PTPRD: variants seen among roughly 807,000 people sequenced by gnomAD.
PTPRD encodes protein tyrosine phosphatase receptor type D.
A neutral mutation model predicts 214.5 loss-of-function variants in PTPRD; 34 were observed. The ratio of observed to expected loss-of-function variants is 0.16; its 90% confidence interval spans 0.12 to 0.21. PTPRD has a LOEUF of 0.21. Among genes scored for constraint, PTPRD ranks in the 10% least tolerant of loss-of-function variants. PTPRD has a pLI of 1.00. For synonymous variants in PTPRD, 1,128 were observed against 845.7 expected, an observed-to-expected ratio of 1.33 and a Z score of -5.79; for missense variants, 2,545 against 2,398.7, an observed-to-expected ratio of 1.06 and a Z score of -1.27.
rs111910356 is a variant in PTPRD at position 8,685,045 on chromosome 9, G to A, written c.65-48201C>T. ...GTTTGCATCCGGGGCTGGATGTCAA[G>A]ATGCCCTTCTGTCCTGATATTTTTC... is the stretch of plus-strand genomic sequence containing the variant. On this transcript the variant is annotated intron_variant, in intron 12 of 45. Coordinates refer to ENST00000381196, the MANE Select transcript of PTPRD (RefSeq NM_002839.4). Among the ~76,000 whole-genome samples, 1,435 of 152,230 alleles carry A rather than the reference G, an allele frequency of 9.4e-3. 15 individuals are homozygous for A. The highest frequency in any genetic ancestry group is 0.033 in the African/African-American group (1,356 of 41,534).
chr9:10,340,300 G>C (rs1201931117), intron 3 of PTPRD, among the ~76,000 whole-genome samples: 1 of 151,858 alleles, frequency 6.6e-6, no homozygotes, highest in African/African-American at 2.4e-5. Context: ...CTAGCTGGGA[G>C]TCAATAGCAA....
intron 3 of PTPRD, among the ~76,000 whole-genome samples, chr9:10,223,854 G>T (rs76058096): frequency 0.041 from 6,257 of 151,284 alleles, 428 homozygotes; most frequent in East Asian, 0.33. Flanking sequence ...CTGGAAAAGT[G>T]CTATAAGAAA....
At chr9:8,438,418 T>C (rs895435961) in intron 34 of PTPRD, among the ~76,000 whole-genome samples, 1 of 152,156 alleles carries the variant, frequency 6.6e-6, no homozygotes, top group African/African-American at 2.4e-5. Flanking sequence ...AAACTCTTTG[T>C]TGGTGATATA....
intron 12 of PTPRD, among the ~76,000 whole-genome samples, chr9:8,680,951 A>G (rs1048527744): frequency 2.0e-5 from 3 of 152,194 alleles, no homozygotes; most frequent in African/African-American, 7.2e-5. Context: ...AACACAATGG[A>G]GGATAGGAAA....
intron 14 of PTPRD, among the ~76,000 whole-genome samples, chr9:8,532,659 C>G (rs575370786): frequency 6.6e-6 from 1 of 152,134 alleles, no homozygotes; most frequent in Admixed American, 6.6e-5. Flanking sequence ...TTCAATCATG[C>G]AGAATTAGCT....
chr9:8,601,756 C>T (rs77091606), intron 14 of PTPRD, among the ~76,000 whole-genome samples: 1 of 152,062 alleles, frequency 6.6e-6, no homozygotes, highest in Non-Finnish European at 1.5e-5. Context: ...AATTCTTAAA[C>T]GAATAGCATA....
rs1002170494 is a variant in PTPRD, at chr9:8,365,173, G to C, written c.4661+10763C>G. 2.0e-5 allele frequency among the ~76,000 whole-genome samples: 3 copies of C among 152,220 alleles called. No homozygotes were observed. The Middle Eastern group carries it at 0.01, about 518-fold the overall frequency. On this transcript the variant is annotated intron_variant, in intron 39 of 45. Transcript: ENST00000381196. ...ATTAAAAAAAGAGAAGGCTGCAGGA[G>C]GGGAAGTGGTCTGAGAGTCTGGAAA...
intron 5 of PTPRD, among the ~76,000 whole-genome samples, chr9:9,866,456 C>G (rs906644825): frequency 6.6e-6 from 1 of 151,884 alleles, no homozygotes; most frequent in Non-Finnish European, 1.5e-5. Flanking sequence ...GTCTCTTAAG[C>G]AAAGGTTCTA....
intron 2 of PTPRD, among the ~76,000 whole-genome samples, chr9:10,402,127 G>A (rs955771598): frequency 6.6e-6 from 1 of 151,626 alleles, no homozygotes; most frequent in Non-Finnish European, 1.5e-5. Context: ...GTGTTCCTAT[G>A]TAATTAAAGA....
At chr9:9,313,036 T>C (rs1179002014) in intron 9 of PTPRD, among the ~76,000 whole-genome samples, 6 of 152,216 alleles carry the variant, frequency 3.9e-5, no homozygotes, top group African/African-American at 4.8e-5. Context: ...AGTGTATATA[T>C]AGCTCACATT....
Position 8,934,021 on chromosome 9 carries a change from G to A in PTPRD, c.-104+84676C>T, listed in dbSNP as rs116211373. Among the ~76,000 whole-genome samples the A allele has an allele frequency of 3.5e-3, 539 of 152,080 alleles. 3 individuals carry two copies. Among genetic ancestry groups the A allele is most frequent in the African/African-American group, 0.01 (422 of 41,474 alleles). On this transcript the variant is annotated intron_variant, in intron 11 of 45. Coordinates refer to ENST00000381196, the MANE Select transcript of PTPRD (RefSeq NM_002839.4). ...AAGATTGGGCTCTAAAACTTCAGAT[G>A]CTTAAGGAAGGTAACTAATTCTATT...
intron 12 of PTPRD, among the ~76,000 whole-genome samples, chr9:8,722,280 TCTC>T (rs1416954251): frequency 6.6e-6 from 1 of 151,948 alleles, no homozygotes; most frequent in Non-Finnish European, 1.5e-5. Flanking sequence ...GGGTCAGAAT[TCTC>T]CTACCTATTC....
intron 11 of PTPRD, among the ~76,000 whole-genome samples, chr9:8,846,335 C>A (rs976915730): frequency 7.2e-5 from 11 of 152,060 alleles, no homozygotes; most frequent in Non-Finnish European, 1.2e-4. Flanking sequence ...GATAACATCC[C>A]AATATTACTA....
intron 10 of PTPRD, among the ~76,000 whole-genome samples, chr9:9,172,943 ATCT>A: frequency 6.6e-6 from 1 of 152,180 alleles, no homozygotes; most frequent in Non-Finnish European, 1.5e-5. Context: ...GTGAAAGATC[ATCT>A]TCTGTTCAGA....
chr9:10,514,964 A>T (rs1489244894), intron 2 of PTPRD, among the ~76,000 whole-genome samples: 3 of 152,064 alleles, frequency 2.0e-5, no homozygotes, highest in African/African-American at 7.2e-5. Context: ...ATTGTTGATG[A>T]TTTTTATCAG....
chr9:10,531,204 T>A (rs2056190975), intron 2 of PTPRD, among the ~76,000 whole-genome samples: 1 of 151,838 alleles, frequency 6.6e-6, no homozygotes, highest in South Asian at 2.1e-4. Flanking sequence ...CCCTCCTCAG[T>A]CTCCCAAATG....
In PTPRD at chr9:10,178,711, G is replaced by A. The variant is rs182841307; in HGVS notation, c.-544-144921C>T. ...CAGAATTGGTACTATTGATATTCTAGGCCATATAATATTGTGTTGTGAGGG... is the reference window on the plus strand; with the variant it reads ...CAGAATTGGTACTATTGATATTCTAAGCCATATAATATTGTGTTGTGAGGG... On this transcript the variant is annotated intron_variant, in intron 3 of 45. Coordinates refer to ENST00000381196, the MANE Select transcript of PTPRD (RefSeq NM_002839.4). Among the ~76,000 whole-genome samples, 3 of 152,012 alleles carry A rather than the reference G, an allele frequency of 2.0e-5. No homozygotes were observed. In the East Asian group the frequency reaches 5.8e-4, roughly 29 times the overall value.
chr9:10,546,491 GA>G (rs1224094475), intron 2 of PTPRD, among the ~76,000 whole-genome samples: 2 of 54,966 alleles, frequency 3.6e-5, no homozygotes, highest in African/African-American at 8.3e-5. Context: ...AGAAGTAGGG[GA>G]ATTTTTTTTT....
At chr9:10,413,610 A>T (rs1325494753) in intron 2 of PTPRD, among the ~76,000 whole-genome samples, 1 of 151,904 alleles carries the variant, frequency 6.6e-6, no homozygotes, top group Non-Finnish European at 1.5e-5. Context: ...AAAACTATTT[A>T]AAAATTTATA....
Sources: allele counts gnomAD v4.1 joint callset (sites outside exome capture counted in the v4.1 genomes callset), GRCh38; gene constraint gnomAD v4.1.1; transcripts MANE v1.5; gene names NCBI Gene and HGNC (gene_info 2026-07-23, HGNC 2026-07-21).